The following MBD5 variants were observed in gnomAD, a reference collection of about 807,000 sequenced individuals.
MBD5 encodes methyl-CpG binding domain protein 5.
Under a neutral mutation model 117.3 loss-of-function variants are expected in MBD5, and 13 were observed. That is an observed-to-expected ratio of 0.11 (90% CI 0.07 to 0.18). MBD5 has a LOEUF of 0.18. Among genes scored for constraint, MBD5 ranks in the 10% least tolerant of loss-of-function variants. MBD5 has a pLI of 1.00. For synonymous variants in MBD5, 727 were observed against 766.4 expected, an observed-to-expected ratio of 0.95 and a Z score of 0.85; for missense variants, 1,879 against 2,093.8, an observed-to-expected ratio of 0.90 and a Z score of 2.00.
chr2:148,112,716 T>G (rs558933213), intron 1 of MBD5, among the ~76,000 whole-genome samples: 6 of 152,342 alleles, frequency 3.9e-5, no homozygotes, highest in African/African-American at 1.4e-4. Flanking sequence ...CATATTCTGT[T>G]AATGGCTTGT....
At chr2:148,080,560 T>G (rs1295417092) in intron 1 of MBD5, among the ~76,000 whole-genome samples, 2 of 152,090 alleles carry the variant, frequency 1.3e-5, no homozygotes, top group African/African-American at 4.8e-5. Context: ...CTTTTAGTAT[T>G]GGACCCTAAT....
In MBD5 at chr2:148,157,454, C is replaced by T. The variant is rs532694936; in HGVS notation, c.-924-21246C>T. ...TCTTCTCCAAAGTGAGTACTTAAGTCCTAAAAGCATGAAACTACCTTCTAG... is the reference window on the plus strand; with the variant it reads ...TCTTCTCCAAAGTGAGTACTTAAGTTCTAAAAGCATGAAACTACCTTCTAG... On this transcript the variant is annotated intron_variant, in intron 1 of 13. Coordinates refer to ENST00000642680, the MANE Select transcript of MBD5 (RefSeq NM_001378120.1). 1.1e-3 allele frequency among the ~76,000 whole-genome samples: 175 copies of T among 152,178 alleles called. 2 individuals carry two copies. Among genetic ancestry groups the T allele is most frequent in the Non-Finnish European group, 2.1e-3 (141 of 68,006 alleles).
At chr2:148,100,770 G>A (rs981219648) in intron 1 of MBD5, among the ~76,000 whole-genome samples, 1 of 152,182 alleles carries the variant, frequency 6.6e-6, no homozygotes, top group Non-Finnish European at 1.5e-5. Context: ...TTTATCCTTT[G>A]TATGACCTAT....
intron 3 of MBD5, among the ~76,000 whole-genome samples, chr2:148,297,456 T>G (rs1395275014): frequency 6.6e-6 from 1 of 152,186 alleles, no homozygotes. Flanking sequence ...CTTTCCTTGA[T>G]CTGTTATGCT....
chr2:148,332,309 A>T (rs1397443086), intron 3 of MBD5, among the ~76,000 whole-genome samples: 2 of 152,176 alleles, frequency 1.3e-5, no homozygotes, highest in Non-Finnish European at 2.9e-5. Flanking sequence ...GCTGAACCAT[A>T]TCCTGTATCT....
At chr2:148,056,574 T>C (rs112824159) in intron 1 of MBD5, among the ~76,000 whole-genome samples, 1 of 152,118 alleles carries the variant, frequency 6.6e-6, no homozygotes, top group Non-Finnish European at 1.5e-5. Context: ...GTATAGTTTT[T>C]TCTCTTTTAA....
chr2:148,454,946 G>A (rs1188470379), intron 4 of MBD5, among the ~76,000 whole-genome samples: 1 of 152,090 alleles, frequency 6.6e-6, no homozygotes, highest in Non-Finnish European at 1.5e-5. Context: ...GCTTAGGGTA[G>A]CATTGTCATT....
chr2:148,294,743 T>G (rs1701609898), intron 3 of MBD5, among the ~76,000 whole-genome samples: 2 of 152,044 alleles, frequency 1.3e-5, no homozygotes, highest in Non-Finnish European at 2.9e-5. Flanking sequence ...TGGCCTCCAG[T>G]GATCTGCACA....
At position 148,513,060 on chromosome 2, in the gene MBD5, A is replaced by G. The variant is rs1279721368; in HGVS notation, c.*119A>G. The G allele has an allele frequency of 2.9e-6, 3 of 1,031,084 alleles. No individual in the cohort carries two copies. In the African/African-American group the frequency reaches 4.8e-5, roughly 16 times the overall value. 63.9% of individuals were successfully genotyped at this position (1,031,084 alleles called of 1,614,324 possible). ...ATTTAGACTATGGCAGATAGCTACCACCACCACAGGGTGCTAAAAGAAACA... is the reference window on the plus strand; with the variant it reads ...ATTTAGACTATGGCAGATAGCTACCGCCACCACAGGGTGCTAAAAGAAACA... On this transcript the variant is annotated 3_prime_UTR_variant, in exon 14 of 14. Coordinates refer to ENST00000642680, the MANE Select transcript of MBD5 (RefSeq NM_001378120.1).
At chr2:148,361,127 C>A (rs1231240177) in intron 4 of MBD5, among the ~76,000 whole-genome samples, 1 of 152,146 alleles carries the variant, frequency 6.6e-6, no homozygotes, top group African/African-American at 2.4e-5. Context: ...GCAGCCGGAT[C>A]ACAAGGTCAG....
chr2:148,178,523 G>A (rs1004345528), intron 1 of MBD5, among the ~76,000 whole-genome samples, 177 bp from the exon 2 acceptor site: 6 of 151,990 alleles, frequency 3.9e-5, no homozygotes, highest in Admixed American at 1.3e-4. Flanking sequence ...TCTTCTAAAC[G>A]GTTAATCTTA....
intron 2 of MBD5, among the ~76,000 whole-genome samples, chr2:148,223,068 T>A (rs999946999): frequency 5.3e-5 from 8 of 152,176 alleles, no homozygotes; most frequent in Admixed American, 5.2e-4. Flanking sequence ...TACATCACAT[T>A]GATTAATTTG....
chr2:148,134,400 C>T (rs952387623), intron 1 of MBD5, among the ~76,000 whole-genome samples: 1 of 152,054 alleles, frequency 6.6e-6, no homozygotes, highest in African/African-American at 2.4e-5. Context: ...CTTTTTAACC[C>T]AATCTGAAAT....
intron 2 of MBD5, among the ~76,000 whole-genome samples, chr2:148,206,886 A>G (rs1699297065): frequency 2.6e-5 from 4 of 152,236 alleles, no homozygotes; most frequent in African/African-American, 9.6e-5. Flanking sequence ...CATGGCATCA[A>G]TAATTGGAAA....
chr2:148,113,801 A>G (rs1483652221), intron 1 of MBD5, among the ~76,000 whole-genome samples: 2 of 152,226 alleles, frequency 1.3e-5, no homozygotes, highest in East Asian at 3.8e-4. Flanking sequence ...ACAAAGTAAT[A>G]TCTTTTTTAG....
chr2:148,442,812 G>A (rs1299488313), intron 4 of MBD5, among the ~76,000 whole-genome samples: 1 of 151,142 alleles, frequency 6.6e-6, no homozygotes. Context: ...GAAAACATTG[G>A]CAAAACTCTG....
rs560243836 is a variant in MBD5 at position 148,422,459 on chromosome 2, A to G, written c.-556-35744A>G. 4.6e-5 allele frequency among the ~76,000 whole-genome samples: 7 copies of G among 152,316 alleles called. No homozygotes were observed. The East Asian group carries it at 1.3e-3, about 29-fold the overall frequency. Reference sequence around the variant, plus strand: ...CCAACACAAAGACCAAAGGTAGATAAATCCACGAAGATAGGGAGAAACCAG... The same window carrying G: ...CCAACACAAAGACCAAAGGTAGATAGATCCACGAAGATAGGGAGAAACCAG... On this transcript the variant is annotated intron_variant, in intron 4 of 13. Coordinates refer to ENST00000642680, the MANE Select transcript of MBD5 (RefSeq NM_001378120.1).
At chr2:148,258,467 G>A (rs1385213738) in intron 3 of MBD5, among the ~76,000 whole-genome samples, 1 of 152,122 alleles carries the variant, frequency 6.6e-6, no homozygotes, top group African/African-American at 2.4e-5. Context: ...ACCGTACATT[G>A]GTGGGGGACC....
chr2:148,090,355 C>A (rs1319260419), intron 1 of MBD5, among the ~76,000 whole-genome samples: 1 of 151,976 alleles, frequency 6.6e-6, no homozygotes, highest in African/African-American at 2.4e-5. Flanking sequence ...CCAGTATCAT[C>A]CTAATACCAA....
Sources: gnomAD v4.1 joint callset for allele counts (sites outside exome capture counted in the v4.1 genomes callset) on GRCh38, gnomAD v4.1.1 for gene constraint, MANE v1.5 for transcripts, NCBI Gene and HGNC (gene_info 2026-07-23, HGNC 2026-07-21) for gene names.